Variants in ADCYAP1R1 observed in about 807,000 individuals in gnomAD.
The protein encoded by ADCYAP1R1 is pituitary adenylate cyclase-activating polypeptide type I receptor.
A neutral mutation model predicts 67.6 loss-of-function variants in ADCYAP1R1; 44 were observed. The observed-to-expected ratio is 0.65, with a 90% confidence interval of 0.51 to 0.84. ADCYAP1R1 has a LOEUF of 0.84. Ranked by LOEUF, ADCYAP1R1 falls within the 40% of genes least tolerant of loss-of-function variation. The pLI is 0.00. For missense variants in ADCYAP1R1, 477 were observed against 587.9 expected (o/e 0.81, Z 1.95); for synonymous variants, 222 against 219.6 (o/e 1.01, Z -0.10).
Position 31,110,404 on chromosome 7 carries a change from C to T in ADCYAP1R1, c.*3720C>T, listed in dbSNP as rs1796817311. 2 of 152,094 alleles carry T rather than the reference C, an allele frequency of 1.3e-5. No individual in the cohort carries two copies. Among genetic ancestry groups the T allele is most frequent in the Non-Finnish European group, 2.9e-5 (2 of 68,028 alleles). The allele number at this position is 152,094 out of a possible 1,614,324, so 9.4% of individuals were successfully genotyped here. On this transcript the variant is annotated 3_prime_UTR_variant, in exon 16 of 16. Transcript: ENST00000304166. The stretch of plus-strand genomic sequence containing the variant: ...TGTCTTTGAGGAGGCTCACAAAATA[C>T]TAAAGCTGGGAGGAAACTTGGAGAT...
In ADCYAP1R1 at chr7:31,080,566, G is replaced by A. The variant is rs377706880; in HGVS notation, c.266-47G>A. On this transcript the variant is annotated intron_variant, in intron 4 of 15. Transcript: ENST00000304166. ...AGCAGCCCCTGACTTTTCTCACCCC[G>A]CTGCTCACCTCTGACTTTTCTCTCT... 4.7e-5 allele frequency: 75 copies of A among 1,604,280 alleles called. No individual in the cohort carries two copies. The African/African-American group carries it at 5.7e-4, about 12-fold the overall frequency.
At chr7:31,054,944 G>C (rs996604309) in intron 1 of ADCYAP1R1, among the ~76,000 whole-genome samples, 1 of 152,240 alleles carries the variant, frequency 6.6e-6, no homozygotes, top group Non-Finnish European at 1.5e-5. Context: ...AGCCTTCCCT[G>C]AGGAGAGGAA....
chr7:31,072,135 TC>T lies in ADCYAP1R1; in HGVS notation c.158-5855del, dbSNP rs1181776584. On this transcript the variant is annotated intron_variant, in intron 3 of 15. Transcript: ENST00000304166. ...CGACTCTGCAGCAGTAACAAATCAA[TC>T]TTAAAATCTCAGAAACTTAGCACAG... Among the ~76,000 whole-genome samples, 11 of 152,102 alleles carry T rather than the reference TC, an allele frequency of 7.2e-5. No individual in the cohort carries two copies. In the East Asian group the frequency reaches 2.1e-3, roughly 29 times the overall value.
Position 31,087,487 on chromosome 7 carries a change from GC to G in ADCYAP1R1, c.885-139del. On this transcript the variant is annotated intron_variant, in intron 11 of 15. Coordinates refer to ENST00000304166, the MANE Select transcript of ADCYAP1R1 (RefSeq NM_001118.5). ...GCTGGAGTCTGTAGCCCGCTGGAGA[GC>G]TCTTGTTCCAGCCAGCCCCTCCTCA... The G allele has an allele frequency of 4.1e-6, 3 of 727,558 alleles. No homozygotes were observed. In the South Asian group the frequency reaches 4.7e-5, roughly 11 times the overall value. The allele number at this position is 727,558 out of a possible 1,614,324, so 45.1% of individuals were successfully genotyped here.
intron 3 of ADCYAP1R1, among the ~76,000 whole-genome samples, chr7:31,075,235 T>C (rs1046495507): frequency 2.0e-5 from 3 of 152,138 alleles, no homozygotes; most frequent in African/African-American, 7.2e-5. Context: ...ATAATGAAAT[T>C]AATGATTCTG....
At position 31,061,594 on chromosome 7, in the gene ADCYAP1R1, C is replaced by T. The variant is rs565311173; in HGVS notation, c.-71-1600C>T. 3.9e-5 allele frequency among the ~76,000 whole-genome samples: 6 copies of T among 152,318 alleles called. No homozygotes were observed. The South Asian group carries it at 1.0e-3, about 26-fold the overall frequency. Reference sequence around the variant, plus strand: ...GTGTTGCCATGGCTCCCAGGCTTCTCGGAGCATCTCTTGGGATATCTGAGG... The same window carrying T: ...GTGTTGCCATGGCTCCCAGGCTTCTTGGAGCATCTCTTGGGATATCTGAGG... On this transcript the variant is annotated intron_variant, in intron 1 of 15. Coordinates refer to ENST00000304166, the MANE Select transcript of ADCYAP1R1 (RefSeq NM_001118.5).
intron 2 of ADCYAP1R1, 57 bp downstream of exon 2, chr7:31,063,372 A>C: frequency 1.9e-6 from 3 of 1,599,152 alleles, no homozygotes; most frequent in Non-Finnish European, 2.6e-6. Flanking sequence ...TCCCCGCTCC[A>C]GAGAACTCAT....
rs370134566 is a variant in ADCYAP1R1 at position 31,104,980 on chromosome 7, C to G, written c.1218+71C>G. ...TCTGGGGAGCAGACAGGGGAACCAC[C>G]TGTTGGCCACATGGGACTGACTCTT... On this transcript the variant is annotated intron_variant, in intron 15 of 15. Coordinates refer to ENST00000304166, the MANE Select transcript of ADCYAP1R1 (RefSeq NM_001118.5). The G allele has an allele frequency of 3.0e-3, 4,547 of 1,496,090 alleles. 30 individuals carry two copies. Among genetic ancestry groups the G allele is most frequent in the South Asian group, 0.016 (1,430 of 88,684 alleles). 92.7% of individuals were successfully genotyped at this position (1,496,090 alleles called of 1,614,324 possible).
At chr7:31,079,896 G>C (rs576593135) in intron 4 of ADCYAP1R1, among the ~76,000 whole-genome samples, 2 of 152,330 alleles carry the variant, frequency 1.3e-5, no homozygotes, top group South Asian at 4.1e-4. Flanking sequence ...AGATACAGTG[G>C]GACTGGGGGG....
chr7:31,063,918 G>A (rs897249452), intron 2 of ADCYAP1R1, among the ~76,000 whole-genome samples: 1 of 152,192 alleles, frequency 6.6e-6, no homozygotes, highest in Admixed American at 6.5e-5. Context: ...ATTGGACTAT[G>A]TCCCCAAAAA....
intron 15 of ADCYAP1R1, 22 bp downstream of exon 15, chr7:31,104,931 T>G: frequency 6.2e-7 from 1 of 1,613,884 alleles, no homozygotes; most frequent in Non-Finnish European, 8.5e-7. Flanking sequence ...GCCCTCTGGC[T>G]TCTTGGCAGT....
chr7:31,053,135 C>T (rs1458633977), intron 1 of ADCYAP1R1, among the ~76,000 whole-genome samples: 1 of 151,376 alleles, frequency 6.6e-6, no homozygotes, highest in African/African-American at 2.4e-5. Flanking sequence ...TCCCCCGGGG[C>T]TAGGTACCGC....
At chr7:31,082,226 G>C (rs992299535) in intron 6 of ADCYAP1R1, among the ~76,000 whole-genome samples, 1 of 152,200 alleles carries the variant, frequency 6.6e-6, no homozygotes, top group African/African-American at 2.4e-5. Context: ...CACCCCTTCG[G>C]GAAACGCTGC....
chr7:31,060,880 A>C (rs1056143002), intron 1 of ADCYAP1R1, among the ~76,000 whole-genome samples: 1 of 152,224 alleles, frequency 6.6e-6, no homozygotes, highest in Non-Finnish European at 1.5e-5. Context: ...GAGGCTTTAT[A>C]ATTCTAGCTA....
At chr7:31,100,324 A>C (rs1584543359) in intron 13 of ADCYAP1R1, 5 of 743,502 alleles carry the variant, frequency 6.7e-6, no homozygotes, top group South Asian at 1.6e-5. Flanking sequence ...CCCAGCCCCA[A>C]CCCATTCCCG....
At chr7:31,073,063 G>A (rs910629496) in intron 3 of ADCYAP1R1, among the ~76,000 whole-genome samples, 2 of 152,212 alleles carry the variant, frequency 1.3e-5, no homozygotes, top group African/African-American at 2.4e-5. Flanking sequence ...AGCCCAGTGA[G>A]ACCCATTTCA....
Position 31,080,652 on chromosome 7 carries a change from A to G in ADCYAP1R1, c.286+19A>G. 6.2e-7 allele frequency: 1 copy of G among 1,613,244 alleles called. No individual in the cohort carries two copies. The highest frequency in any genetic ancestry group is 1.3e-5 in the African/African-American group (1 of 75,010). ...ACCATTGGTAAGAGGAACCTTGGTG[A>G]GGATAGACCGCTGTCTTTCTGTCCA... On this transcript the variant is annotated intron_variant, in intron 5 of 15. Transcript: ENST00000304166.
intron 1 of ADCYAP1R1, among the ~76,000 whole-genome samples, chr7:31,056,438 T>G (rs1032153792): frequency 6.6e-6 from 1 of 152,186 alleles, no homozygotes; most frequent in East Asian, 1.9e-4. Context: ...GCTGCTGATC[T>G]AAGGCCTGTG....
chr7:31,080,584 TTC>T (rs761650653), intron 4 of ADCYAP1R1, 27 bp from the exon 5 acceptor site: 96 of 1,598,694 alleles, frequency 6.0e-5, no homozygotes, highest in South Asian at 1.1e-4. Context: ...CCTCTGACTT[TTC>T]TCTCTCTCTC....
Sources: allele counts gnomAD v4.1 joint callset (sites outside exome capture counted in the v4.1 genomes callset), GRCh38; gene constraint gnomAD v4.1.1; transcripts MANE v1.5; gene names NCBI Gene and HGNC (gene_info 2026-07-23, HGNC 2026-07-21).